Variants in PAM observed in about 807,000 individuals in gnomAD.
PAM encodes peptidylglycine alpha-amidating monooxygenase.
In PAM, 72 loss-of-function variants were observed where a neutral mutation model predicts 122.1. The observed-to-expected ratio is 0.59, with a 90% CI of 0.49 to 0.72. The LOEUF (loss-of-function observed/expected upper bound fraction) is 0.72. Ranked by LOEUF, PAM falls within the 30% of genes least tolerant of loss-of-function variation. The probability of loss-of-function intolerance (pLI) is 0.00; values close to 1 mark genes in which losing one functional copy is unlikely to be tolerated. For synonymous variants in PAM, 389 were observed against 404.4 expected, an observed-to-expected ratio of 0.96 and a Z score of 0.46; for missense variants, 1,106 against 1,183.7, an observed-to-expected ratio of 0.93 and a Z score of 0.96.
At chr5:102,975,583 A>T (rs1767372160) in intron 15 of PAM, among the ~76,000 whole-genome samples, 1 of 152,172 alleles carries the variant, frequency 6.6e-6, no homozygotes, top group Non-Finnish European at 1.5e-5. Context: ...ATCACCTAGG[A>T]TGCGTAAGAA....
intron 6 of PAM, among the ~76,000 whole-genome samples, 188 bp downstream of exon 6, chr5:102,925,230 C>G (rs1410763913): frequency 6.6e-6 from 1 of 152,196 alleles, no homozygotes; most frequent in Non-Finnish European, 1.5e-5. Flanking sequence ...TTTTCTGCCT[C>G]TCTTTGGTAA....
At chr5:103,019,504 G>A (rs918698364) in intron 22 of PAM, among the ~76,000 whole-genome samples, 2 of 152,086 alleles carry the variant, frequency 1.3e-5, no homozygotes, top group African/African-American at 4.8e-5. Context: ...CATGAAGGCA[G>A]ATCTGCTTGG....
chr5:103,005,065 C>T (rs936315207), intron 17 of PAM, 89 bp from the exon 18 acceptor site: 11 of 728,510 alleles, frequency 1.5e-5, no homozygotes, highest in African/African-American at 1.4e-4. Context: ...TATAACTTTG[C>T]ATTGTCTTTA....
At chr5:102,877,891 G>C (rs114809502) in intron 3 of PAM, among the ~76,000 whole-genome samples, 1 of 152,070 alleles carries the variant, frequency 6.6e-6, no homozygotes, top group African/African-American at 2.4e-5. Context: ...TTAGCTGGGC[G>C]TGGTGGTGTG....
rs1337034927 is a variant in PAM at position 102,951,401 on chromosome 5, C to CA, written c.905+589dup. Among the ~76,000 whole-genome samples, 6 of 150,168 alleles carry CA rather than the reference C, an allele frequency of 4.0e-5. No homozygotes were observed. In the South Asian group the frequency reaches 6.2e-4, roughly 16 times the overall value. ...ATTTTCAAAGCACTATGAACTCTTT[C>CA]AAAAAAAACTTACCTAAATGAAAAA... On this transcript the variant is annotated intron_variant, in intron 12 of 25. Coordinates refer to ENST00000438793, the MANE Select transcript of PAM (RefSeq NM_001177306.2).
chr5:102,867,222 A>T lies in PAM; in HGVS notation c.90-51A>T, dbSNP rs150509023. ...TCCTTTCTTTCCCCTTCTCATGTTG[A>T]GTTTAGATTCCATTATGTTCAAGAA... is the stretch of plus-strand genomic sequence containing the variant. On this transcript the variant is annotated intron_variant, in intron 2 of 25. Coordinates refer to ENST00000438793, the MANE Select transcript of PAM (RefSeq NM_001177306.2). 515 of 1,286,320 alleles carry T rather than the reference A, an allele frequency of 4.0e-4. 1 individual carries two copies. In the African/African-American group the frequency reaches 6.8e-3, roughly 17 times the overall value. 79.7% of individuals were successfully genotyped at this position (1,286,320 alleles called of 1,614,324 possible). A position where few individuals can be genotyped will look rare whatever the true frequency, so the allele number is the denominator to read the frequency against.
intron 3 of PAM, among the ~76,000 whole-genome samples, chr5:102,880,000 G>C (rs950830822): frequency 1.3e-5 from 2 of 152,324 alleles, no homozygotes; most frequent in South Asian, 4.1e-4. Flanking sequence ...CCTATGACTG[G>C]CTGGGTGCCG....
chr5:102,952,975 G>T (rs376153680), intron 12 of PAM, among the ~76,000 whole-genome samples: 1 of 152,218 alleles, frequency 6.6e-6, no homozygotes, highest in East Asian at 1.9e-4. Flanking sequence ...AGGATAGGCT[G>T]GGGCCAGTAG....
intron 1 of PAM, among the ~76,000 whole-genome samples, chr5:102,823,948 A>C (rs2150349986): frequency 6.6e-6 from 1 of 152,336 alleles, no homozygotes; most frequent in South Asian, 2.1e-4. Flanking sequence ...AAAAATACTC[A>C]AAGTTTCATT....
chr5:102,878,456 T>C (rs1789911420), intron 3 of PAM, among the ~76,000 whole-genome samples: 1 of 152,174 alleles, frequency 6.6e-6, no homozygotes, highest in South Asian at 2.1e-4. Flanking sequence ...TTTACTATAC[T>C]ATACTTTTTA....
intron 1 of PAM, among the ~76,000 whole-genome samples, chr5:102,859,320 G>C (rs1783462114): frequency 6.7e-6 from 1 of 149,006 alleles, no homozygotes; most frequent in Non-Finnish European, 1.5e-5. Flanking sequence ...TGCTGATCTT[G>C]TATAGGCCCA....
At chr5:102,807,383 G>C (rs1420217134) in intron 1 of PAM, among the ~76,000 whole-genome samples, 5 of 152,202 alleles carry the variant, frequency 3.3e-5, no homozygotes, top group Admixed American at 3.3e-4. Context: ...AGGCAGAGAA[G>C]GACAAATAGT....
At chr5:102,893,262 T>C (rs1795259163) in intron 3 of PAM, among the ~76,000 whole-genome samples, 1 of 151,822 alleles carries the variant, frequency 6.6e-6, no homozygotes, top group African/African-American at 2.4e-5. Flanking sequence ...ACTGTGATTA[T>C]GAAATTAACC....
intron 7 of PAM, among the ~76,000 whole-genome samples, chr5:102,929,002 A>G (rs915261743): frequency 6.6e-6 from 1 of 152,206 alleles, no homozygotes; most frequent in Non-Finnish European, 1.5e-5. Flanking sequence ...TACAGACTAT[A>G]TAAAATTCAT....
At chr5:102,907,077 T>C (rs1799792018) in intron 4 of PAM, among the ~76,000 whole-genome samples, 2 of 151,730 alleles carry the variant, frequency 1.3e-5, no homozygotes, top group South Asian at 2.1e-4. Context: ...TTGAAATTGA[T>C]GTTCAATATA....
At chr5:103,024,637 GACATTTACACC>G (rs1481808151) in intron 23 of PAM, among the ~76,000 whole-genome samples, 1 of 152,104 alleles carries the variant, frequency 6.6e-6, no homozygotes, top group Admixed American at 6.6e-5. Flanking sequence ...TTTTATGACA[GACATTTACACC>G]CAACAGTTTT....
intron 3 of PAM, among the ~76,000 whole-genome samples, chr5:102,885,313 A>G (rs1792685429): frequency 6.6e-6 from 1 of 151,986 alleles, no homozygotes; most frequent in Non-Finnish European, 1.5e-5. Flanking sequence ...ATGAAAATGA[A>G]AATTCTGTTT....
At chr5:102,784,739 T>C (rs1202165544) in intron 1 of PAM, among the ~76,000 whole-genome samples, 1 of 152,228 alleles carries the variant, frequency 6.6e-6, no homozygotes, top group Non-Finnish European at 1.5e-5. Context: ...CTGGCGGGCA[T>C]TTACTATATA....
chr5:102,997,868 A>G (rs1295576732), intron 16 of PAM, among the ~76,000 whole-genome samples: 1 of 152,186 alleles, frequency 6.6e-6, no homozygotes, highest in African/African-American at 2.4e-5. Flanking sequence ...TCACTTACCT[A>G]CTTATCAACT....
Sources: gnomAD v4.1 joint callset for allele counts (sites outside exome capture counted in the v4.1 genomes callset) on GRCh38, gnomAD v4.1.1 for gene constraint, MANE v1.5 for transcripts, NCBI Gene and HGNC (gene_info 2026-07-23, HGNC 2026-07-21) for gene names.